The following CDH11 variants were observed in gnomAD, a reference collection of about 807,000 sequenced individuals.
CDH11 encodes the protein cadherin-11.
Under a neutral mutation model 67.8 loss-of-function variants are expected in CDH11, and 11 were observed. The observed-to-expected ratio is 0.16, with a 90% CI of 0.10 to 0.27. CDH11 has a LOEUF of 0.27. CDH11 is among the 10% of genes least tolerant of loss of function. The pLI, the probability that CDH11 is intolerant of heterozygous loss-of-function variation, is 1.00. For synonymous variants in CDH11, 419 were observed against 400.0 expected, an observed-to-expected ratio of 1.05 and a Z score of -0.57; for missense variants, 847 against 1,031.2, an observed-to-expected ratio of 0.82 and a Z score of 2.45.
In CDH11 at chr16:64,945,590, AAAATG is replaced by A. The variant is rs2071182605; in HGVS notation, c.*2008_*2012del. On this transcript the variant is annotated 3_prime_UTR_variant, in exon 13 of 13. Transcript: ENST00000268603. ...CTTTGGATTACAAAAACTATATAAA[AAAATG>A]AACACAACCTGCAATTATGGAAGTA... is the stretch of plus-strand genomic sequence containing the variant. The A allele has an allele frequency of 9.7e-7, 1 of 1,031,618 alleles. No individual in the cohort carries two copies. Among genetic ancestry groups the A allele is most frequent in the African/African-American group, 1.7e-5 (1 of 59,338 alleles). 63.9% of individuals were successfully genotyped at this position (1,031,618 alleles called of 1,614,324 possible). A position where few individuals can be genotyped will look rare whatever the true frequency, so the allele number is the denominator to read the frequency against.
intron 2 of CDH11, among the ~76,000 whole-genome samples, chr16:65,012,973 T>C (rs1490020298): frequency 2.0e-5 from 3 of 152,204 alleles, no homozygotes; most frequent in African/African-American, 7.2e-5. Context: ...TGAACCATAG[T>C]GCAAACTTAG....
intron 2 of CDH11, among the ~76,000 whole-genome samples, chr16:65,033,662 G>A (rs897005938): frequency 1.3e-5 from 2 of 149,714 alleles, no homozygotes; most frequent in African/African-American, 5.1e-5. Context: ...GCTTGAAACC[G>A]GGAGGTGGAG....
intron 8 of CDH11, among the ~76,000 whole-genome samples, chr16:64,975,758 T>C (rs1379040220): frequency 1.3e-5 from 2 of 152,206 alleles, no homozygotes; most frequent in South Asian, 2.1e-4. Flanking sequence ...TTTGGATATA[T>C]GCCCTGTAAT....
intron 2 of CDH11, among the ~76,000 whole-genome samples, chr16:65,049,766 T>C (rs905792637): frequency 6.6e-6 from 1 of 152,160 alleles, no homozygotes; most frequent in Non-Finnish European, 1.5e-5. Flanking sequence ...CTACAATGTG[T>C]AGGCAACAAG....
At chr16:64,990,342 A>G (rs2072597960) in intron 6 of CDH11, among the ~76,000 whole-genome samples, 1 of 152,136 alleles carries the variant, frequency 6.6e-6, no homozygotes, top group African/African-American at 2.4e-5. Flanking sequence ...TCTTGTGTAG[A>G]TTCTTGCTTT....
intron 3 of CDH11, among the ~76,000 whole-genome samples, chr16:65,002,771 A>C (rs35183): frequency 0.44 from 66,652 of 151,730 alleles, 15,345 homozygotes; most frequent in East Asian, 0.63. Context: ...TTTCCCCTTT[A>C]CCTTCCACTG....
chr16:64,960,489 T>C (rs2071644291), intron 11 of CDH11, among the ~76,000 whole-genome samples: 1 of 151,832 alleles, frequency 6.6e-6, no homozygotes, highest in South Asian at 2.1e-4. Context: ...ATAAGAAAAA[T>C]TGAGGTTAGG....
In CDH11 at chr16:64,957,600, GCACA is replaced by G. The variant is rs66508762; in HGVS notation, c.1643-6586_1643-6583del. On this transcript the variant is annotated intron_variant, in intron 11 of 12. Transcript: ENST00000268603. ...TATTTCTGTGCCCACACATGCCCGT[GCACA>G]CACACACACACACACACACACACAC... Among the ~76,000 whole-genome samples, 1,039 of 144,918 alleles carry G rather than the reference GCACA, an allele frequency of 7.2e-3. 8 individuals carry two copies. The highest frequency in any genetic ancestry group is 0.028 in the Middle Eastern group (8 of 282).
intron 4 of CDH11, among the ~76,000 whole-genome samples, chr16:64,997,155 C>T (rs563291724): frequency 1.8e-4 from 27 of 151,712 alleles, no homozygotes; most frequent in Non-Finnish European, 3.4e-4. Flanking sequence ...AAGAAATTAG[C>T]CGGGCGTGGT....
chr16:65,075,014 C>G (rs1381473969), intron 1 of CDH11, among the ~76,000 whole-genome samples: 1 of 152,308 alleles, frequency 6.6e-6, no homozygotes, highest in Non-Finnish European at 1.5e-5. Flanking sequence ...CTTACACTCT[C>G]TAGAACATGG....
chr16:64,981,860 C>T, intron 8 of CDH11, 188 bp downstream of exon 8: 1 of 517,734 alleles, frequency 1.9e-6, no homozygotes, highest in Admixed American at 3.6e-5. Context: ...ACAATCCTAT[C>T]CAAAAAGTCA....
intron 2 of CDH11, among the ~76,000 whole-genome samples, chr16:65,008,700 T>C (rs2073114200): frequency 6.6e-6 from 1 of 152,196 alleles, no homozygotes; most frequent in South Asian, 2.1e-4. Flanking sequence ...AGAATCCATG[T>C]TCTTAACCAG....
intron 1 of CDH11, among the ~76,000 whole-genome samples, chr16:65,083,917 A>C (rs2074652676): frequency 6.6e-6 from 1 of 152,220 alleles, no homozygotes; most frequent in Non-Finnish European, 1.5e-5. Flanking sequence ...AGAGCTCTTC[A>C]ATCAGAGCAA....
At chr16:65,082,119 C>T (rs561033133) in intron 1 of CDH11, among the ~76,000 whole-genome samples, 1 of 152,308 alleles carries the variant, frequency 6.6e-6, no homozygotes, top group Non-Finnish European at 1.5e-5. Flanking sequence ...CACAAAACTG[C>T]TTGCCCACCT....
At chr16:65,011,166 G>T (rs2073177580) in intron 2 of CDH11, among the ~76,000 whole-genome samples, 1 of 150,920 alleles carries the variant, frequency 6.6e-6, no homozygotes, top group South Asian at 2.1e-4. Flanking sequence ...GGAGGAAAGT[G>T]AGGCTTAGTG....
chr16:65,107,650 G>T (rs2075086386), intron 1 of CDH11, among the ~76,000 whole-genome samples: 1 of 152,116 alleles, frequency 6.6e-6, no homozygotes, highest in South Asian at 2.1e-4. Flanking sequence ...TCCCATAAAG[G>T]GTTTCAGAAT....
At chr16:65,081,005 T>G (rs1240737798) in intron 1 of CDH11, among the ~76,000 whole-genome samples, 2 of 152,334 alleles carry the variant, frequency 1.3e-5, no homozygotes, top group African/African-American at 4.8e-5. Flanking sequence ...TTTTATTGTA[T>G]CATACCAGTA....
chr16:65,058,588 T>C (rs2074186680), intron 1 of CDH11, among the ~76,000 whole-genome samples: 2 of 152,224 alleles, frequency 1.3e-5, no homozygotes, highest in East Asian at 1.9e-4. Context: ...ATAATCTCCA[T>C]TGGGTGTTTT....
chr16:65,036,803 A>C (rs992760172), intron 2 of CDH11, among the ~76,000 whole-genome samples: 3 of 152,208 alleles, frequency 2.0e-5, no homozygotes, highest in African/African-American at 7.2e-5. Context: ...ATACACTTTG[A>C]AGGCAAGAAA....
Sources: gnomAD v4.1 joint callset for allele counts (sites outside exome capture counted in the v4.1 genomes callset) on GRCh38, gnomAD v4.1.1 for gene constraint, MANE v1.5 for transcripts, NCBI Gene and HGNC (gene_info 2026-07-23, HGNC 2026-07-21) for gene names.